Variants in EDA observed in about 807,000 individuals in gnomAD.
EDA encodes the protein ectodysplasin-A.
Under a neutral mutation model 23.6 loss-of-function variants are expected in EDA, and 2 were observed. That is an observed-to-expected ratio of 0.08 (90% CI 0.03 to 0.27). The LOEUF (loss-of-function observed/expected upper bound fraction) is 0.27. EDA is among the 10% of genes least tolerant of loss of function. The pLI is 1.00. For synonymous variants in EDA, 131 were observed against 132.0 expected, an observed-to-expected ratio of 0.99 and a Z score of 0.05; for missense variants, 229 against 324.2, an observed-to-expected ratio of 0.71 and a Z score of 2.26.
At chrX:69,684,573 C>T (rs1934481444) in intron 1 of EDA, among the ~76,000 whole-genome samples, 1 of 111,745 alleles carries the variant, frequency 8.9e-6, no homozygotes, top group Non-Finnish European at 1.9e-5. Flanking sequence ...CAGGACAACT[C>T]GACTAACTCC....
intron 1 of EDA, among the ~76,000 whole-genome samples, chrX:69,785,600 G>T (rs1417146530): frequency 9.0e-6 from 1 of 110,625 alleles, no homozygotes; most frequent in Non-Finnish European, 1.9e-5. Flanking sequence ...TACATTTATT[G>T]ATTTGCGCAT....
At chrX:69,806,349 A>T (rs2015814630) in intron 1 of EDA, among the ~76,000 whole-genome samples, 1 of 111,306 alleles carries the variant, frequency 9.0e-6, no homozygotes, top group Non-Finnish European at 1.9e-5. Context: ...AGTACTTCCT[A>T]TATGAATAGT....
In EDA at chrX:69,939,070, G is replaced by A. The variant is rs185884674; in HGVS notation, c.397-17957G>A. On this transcript the variant is annotated intron_variant, in intron 1 of 7. Coordinates refer to ENST00000374552, the MANE Select transcript of EDA (RefSeq NM_001399.5). Reference sequence around the variant, plus strand: ...GTTCTTTTTGCTCAGGATAGCTTTGGCTATTCTGGGTCTTTTGTGGTTCCA... The same window carrying A: ...GTTCTTTTTGCTCAGGATAGCTTTGACTATTCTGGGTCTTTTGTGGTTCCA... Among the ~76,000 whole-genome samples the A allele has an allele frequency of 3.7e-4, 41 of 111,547 alleles. No homozygotes were observed. In the East Asian group the frequency reaches 8.8e-3, roughly 24 times the overall value.
intron 1 of EDA, among the ~76,000 whole-genome samples, chrX:69,680,101 G>C (rs1934277168): frequency 9.2e-6 from 1 of 108,606 alleles, no homozygotes; most frequent in Non-Finnish European, 1.9e-5. Flanking sequence ...TCAGGAGCAG[G>C]TTGTTCAGTT....
At chrX:69,977,270 C>A (rs1035342845) in intron 2 of EDA, among the ~76,000 whole-genome samples, 2 of 111,813 alleles carry the variant, frequency 1.8e-5, no homozygotes, top group Non-Finnish European at 3.8e-5. Context: ...TTGTTCTCAG[C>A]CATCCTATCT....
At chrX:69,750,304 A>C (rs1263828095) in intron 1 of EDA, among the ~76,000 whole-genome samples, 3 of 107,690 alleles carry the variant, frequency 2.8e-5, no homozygotes, top group African/African-American at 1.0e-4. Context: ...TAGTTTGCCC[A>C]GAATGATGGT....
At chrX:69,702,365 C>T in intron 1 of EDA, among the ~76,000 whole-genome samples, 1 of 110,594 alleles carries the variant, frequency 9.0e-6, no homozygotes. Context: ...GATGGGTTTA[C>T]AGTCCTCAGG....
At chrX:69,617,135 A>C in intron 1 of EDA, 2 of 247,177 alleles carry the variant, frequency 8.1e-6, no homozygotes, top group South Asian at 2.5e-4. Flanking sequence ...AGCTGTAAAC[A>C]GCTGTAATAA....
intron 1 of EDA, among the ~76,000 whole-genome samples, chrX:69,869,573 G>C (rs1361433880): frequency 1.8e-5 from 2 of 111,761 alleles, no homozygotes; most frequent in Non-Finnish European, 3.8e-5. Flanking sequence ...AATTGATTGA[G>C]GGGCTGTGAT....
chrX:69,994,954 A>G (rs1449839280), intron 2 of EDA, among the ~76,000 whole-genome samples: 1 of 112,461 alleles, frequency 8.9e-6, no homozygotes, highest in Non-Finnish European at 1.9e-5. Context: ...TTAGCTGTCT[A>G]TTGAAATTTC....
At chrX:69,824,817 A>G (rs2016361055) in intron 1 of EDA, among the ~76,000 whole-genome samples, 1 of 58,027 alleles carries the variant, frequency 1.7e-5, no homozygotes, top group African/African-American at 1.1e-4. Flanking sequence ...CCCATTCAGT[A>G]TGATATTGGC....
At chrX:69,783,240 G>C (rs770646589) in intron 1 of EDA, among the ~76,000 whole-genome samples, 14 of 111,306 alleles carry the variant, frequency 1.3e-4, no homozygotes, top group African/African-American at 4.6e-4. Context: ...AAATCTTTAA[G>C]CAGTTTAAAT....
At chrX:69,672,160 G>C (rs1344576092) in intron 1 of EDA, among the ~76,000 whole-genome samples, 4 of 111,711 alleles carry the variant, frequency 3.6e-5, no homozygotes, top group Non-Finnish European at 7.5e-5. Flanking sequence ...TGTATAGTTT[G>C]CATTCATAGG....
chrX:69,792,512 A>G (rs2015430537), intron 1 of EDA, among the ~76,000 whole-genome samples: 1 of 112,034 alleles, frequency 8.9e-6, no homozygotes, highest in Admixed American at 9.5e-5. Context: ...ATCAAATGGT[A>G]GTTCTACTTT....
At chrX:70,019,269 G>A (rs1053579362) in intron 2 of EDA, among the ~76,000 whole-genome samples, 11 of 112,266 alleles carry the variant, frequency 9.8e-5, no homozygotes, top group Non-Finnish European at 1.9e-4. Flanking sequence ...TCCAGCCATT[G>A]TGGAAAGCAG....
chrX:69,828,552 C>T (rs1168293574), intron 1 of EDA, among the ~76,000 whole-genome samples: 1 of 112,203 alleles, frequency 8.9e-6, no homozygotes, highest in African/African-American at 3.2e-5. Context: ...CCTCCCCTTG[C>T]TTCGGCTCGC....
At chrX:69,672,000 A>AT (rs906479137) in intron 1 of EDA, among the ~76,000 whole-genome samples, 3 of 111,769 alleles carry the variant, frequency 2.7e-5, no homozygotes, top group African/African-American at 9.8e-5. Flanking sequence ...AATATCCCCT[A>AT]TTTTTGCCCG....
At chrX:70,028,923 T>G (rs2020159774) in intron 4 of EDA, among the ~76,000 whole-genome samples, 1 of 112,721 alleles carries the variant, frequency 8.9e-6, no homozygotes, top group East Asian at 2.8e-4. Context: ...ATTCAGATTC[T>G]TTAACTTGTA....
intron 1 of EDA, among the ~76,000 whole-genome samples, chrX:69,922,655 A>G (rs1202824983): frequency 1.8e-5 from 2 of 112,024 alleles, no homozygotes; most frequent in South Asian, 3.7e-4. Context: ...ATGCTTTCAA[A>G]GTGTTAGGCT....
Sources: gnomAD v4.1 joint callset for allele counts (sites outside exome capture counted in the v4.1 genomes callset) on GRCh38, gnomAD v4.1.1 for gene constraint, MANE v1.5 for transcripts, NCBI Gene and HGNC (gene_info 2026-07-23, HGNC 2026-07-21) for gene names.